The following TYW1B variants were observed in gnomAD, a reference collection of about 807,000 sequenced individuals.
TYW1B encodes tRNA-yW synthesizing protein 1 homolog B, also known as S-adenosyl-L-methionine-dependent tRNA 4-demethylwyosine synthase TYW1B.
A neutral mutation model predicts 86.9 loss-of-function variants in TYW1B; 73 were observed. The ratio of observed to expected loss-of-function variants is 0.84; its 90% CI spans 0.70 to 1.02. TYW1B has a LOEUF of 1.02. TYW1B is among the 50% of genes least tolerant of loss of function. The probability of loss-of-function intolerance (pLI) is 0.00; values close to 1 mark genes in which losing one functional copy is unlikely to be tolerated. For synonymous variants in TYW1B, 248 were observed against 292.8 expected (o/e 0.85, Z 1.56); for missense variants, 637 against 827.4 (o/e 0.77, Z 2.82).
chr7:72,690,682 A>C (rs1814129237), intron 11 of TYW1B, among the ~76,000 whole-genome samples: 1 of 152,266 alleles, frequency 6.6e-6, no homozygotes, highest in South Asian at 2.1e-4. Context: ...TGGATGTTCT[A>C]ATTAAAATAT....
At chr7:72,726,644 G>A (rs571130779) in intron 9 of TYW1B, among the ~76,000 whole-genome samples, 15 of 152,118 alleles carry the variant, frequency 9.9e-5, no homozygotes, top group South Asian at 2.1e-4. Context: ...GATTACAAGC[G>A]TGAGGCACCG....
intron 9 of TYW1B, among the ~76,000 whole-genome samples, chr7:72,717,708 C>A (rs1554456470): frequency 1.3e-5 from 2 of 151,834 alleles, no homozygotes; most frequent in Non-Finnish European, 2.9e-5. Context: ...TCCTCCTACA[C>A]CTTAGAAATA....
Position 72,807,083 on chromosome 7 carries a change from G to C in TYW1B, c.706C>G (p.His236Asp). 1 of 1,613,956 alleles carries C rather than the reference G, an allele frequency of 6.2e-7. No homozygotes were observed. Among genetic ancestry groups the C allele is most frequent in the South Asian group, 1.1e-5 (1 of 91,050 alleles). Residue 236 changes from histidine (H) to aspartate (D), a missense_variant, in exon 5 of 14, where the codon CAT (histidine) becomes GAT (aspartate). His to Asp is a moderately conservative substitution (Grantham distance 81). Transcript: ENST00000620995. Reference sequence around the variant, plus strand: ...CGGTATACCTTGGTGTCTCTGTGATGCAATTCGTCCTGCTCTTGAGATCCT... The same window carrying C: ...CGGTATACCTTGGTGTCTCTGTGATCCAATTCGTCCTGCTCTTGAGATCCT... ...EEGSQEQDELHHRDTKEEEPF... is the reference protein window; with the variant it reads ...EEGSQEQDELDHRDTKEEEPF...
At chr7:72,761,305 C>T (rs553206051) in intron 7 of TYW1B, among the ~76,000 whole-genome samples, 1 of 151,912 alleles carries the variant, frequency 6.6e-6, no homozygotes, top group African/African-American at 2.4e-5. Flanking sequence ...TAGGTTTTCA[C>T]TAAAAGTAAA....
At chr7:72,646,457 C>T (rs1185099617) in intron 11 of TYW1B, among the ~76,000 whole-genome samples, 10 of 152,028 alleles carry the variant, frequency 6.6e-5, no homozygotes, top group Non-Finnish European at 1.3e-4. Context: ...CTGCAGCCTT[C>T]ACCTCCCTGG....
Position 72,583,126 on chromosome 7 carries a change from G to A in TYW1B, c.1786-7407C>T, listed in dbSNP as rs1446609929. Among the ~76,000 whole-genome samples, 5 of 152,148 alleles carry A rather than the reference G, an allele frequency of 3.3e-5. No individual in the cohort carries two copies. The East Asian group carries it at 7.7e-4, about 23-fold the overall frequency. ...ACCTGTAATCCCAGCACTTTGGGAG[G>A]CCAAGGTGGGTGGATCATTTGAGGT... On this transcript the variant is annotated intron_variant, in intron 13 of 13. Coordinates refer to ENST00000620995, the MANE Select transcript of TYW1B (RefSeq NM_001145440.3).
intron 6 of TYW1B, among the ~76,000 whole-genome samples, chr7:72,783,751 A>G (rs1563092873): frequency 1.3e-5 from 2 of 152,200 alleles, no homozygotes; most frequent in South Asian, 2.1e-4. Context: ...TATTTTGGAT[A>G]ACCTACCTTA....
At chr7:72,705,624 A>T (rs191754143) in intron 10 of TYW1B, among the ~76,000 whole-genome samples, 1 of 152,352 alleles carries the variant, frequency 6.6e-6, no homozygotes, top group East Asian at 1.9e-4. Context: ...ATTATGATAC[A>T]TAACAGTTAA....
chr7:72,736,576 G>A (rs1318073806), intron 8 of TYW1B, among the ~76,000 whole-genome samples: 5 of 152,064 alleles, frequency 3.3e-5, no homozygotes, highest in African/African-American at 9.7e-5. Context: ...CATTTTAAAC[G>A]TTTTGTCATT....
At chr7:72,822,921 G>A (rs1278662474) in intron 2 of TYW1B, 1 of 152,334 alleles carries the variant, frequency 6.6e-6, no homozygotes, top group Admixed American at 6.5e-5. Flanking sequence ...TGAAGCCCAA[G>A]AGGTCGAGGC....
chr7:72,810,730 C>A, intron 3 of TYW1B, 65 bp from the exon 4 acceptor site: 2 of 1,518,224 alleles, frequency 1.3e-6, no homozygotes, highest in Non-Finnish European at 1.8e-6. Context: ...CGAAGAAAAT[C>A]CTTTGAAAAA....
At chr7:72,799,829 AG>A (rs1355630017) in intron 6 of TYW1B, among the ~76,000 whole-genome samples, 1 of 152,130 alleles carries the variant, frequency 6.6e-6, no homozygotes, top group Admixed American at 6.6e-5. Context: ...CTGAGATATA[AG>A]GGGCAAATAG....
At chr7:72,702,795 C>T (rs2129570468) in intron 10 of TYW1B, among the ~76,000 whole-genome samples, 1 of 151,992 alleles carries the variant, frequency 6.6e-6, no homozygotes, top group African/African-American at 2.4e-5. Flanking sequence ...TGAATATATG[C>T]TCCTCACATT....
intron 12 of TYW1B, among the ~76,000 whole-genome samples, chr7:72,625,244 T>C (rs1366193569): frequency 6.6e-6 from 1 of 152,124 alleles, no homozygotes; most frequent in Non-Finnish European, 1.5e-5. Context: ...GCCTATCACA[T>C]GGAGAGAGCT....
chr7:72,814,425 C>G (rs1341129130), intron 3 of TYW1B, among the ~76,000 whole-genome samples: 1 of 151,592 alleles, frequency 6.6e-6, no homozygotes, highest in Non-Finnish European at 1.5e-5. Flanking sequence ...TCTACTAAAA[C>G]TACAAAAAAT....
At chr7:72,812,573 CAT>C (rs781963681) in intron 3 of TYW1B, among the ~76,000 whole-genome samples, 5 of 152,076 alleles carry the variant, frequency 3.3e-5, no homozygotes, top group Non-Finnish European at 5.9e-5. Context: ...CAAGCTCACT[CAT>C]GTGCACACCA....
intron 11 of TYW1B, among the ~76,000 whole-genome samples, chr7:72,672,473 AACACACACACACACAC>A (rs57744814): frequency 3.5e-5 from 5 of 140,884 alleles, no homozygotes; most frequent in African/African-American, 1.1e-4. Context: ...TACACACACA[AACACACACACACACAC>A]ACACACACAC....
chr7:72,632,388 G>GTATATATATATTATATATACA, intron 11 of TYW1B, among the ~76,000 whole-genome samples: 1 of 70,324 alleles, frequency 1.4e-5, no homozygotes, highest in East Asian at 3.9e-4. Flanking sequence ...ATATATATAC[G>GTATATATATATTATATATACA]TATATATATA....
In TYW1B at chr7:72,807,077, T is replaced by A. The variant is rs370976921; in HGVS notation, c.712A>T (p.Arg238Ter). Reference sequence around the variant, plus strand: ...CACAGGCGGTATACCTTGGTGTCTCTGTGATGCAATTCGTCCTGCTCTTGA... The same window carrying A: ...CACAGGCGGTATACCTTGGTGTCTCAGTGATGCAATTCGTCCTGCTCTTGA... The part of the protein sequence containing the change: ...GSQEQDELHH[R>*]DTKEEEPFES... Residue 238 changes from arginine to a stop codon, truncating the protein, a stop_gained, in exon 5 of 14, where the codon AGA becomes TGA. Transcript: ENST00000620995. LOFTEE classifies it high-confidence loss of function. 2 of 1,613,958 alleles carry A rather than the reference T, an allele frequency of 1.2e-6. No homozygotes were observed. Among genetic ancestry groups the A allele is most frequent in the Admixed American group, 3.3e-5 (2 of 59,996 alleles).
Sources: allele counts gnomAD v4.1 joint callset (sites outside exome capture counted in the v4.1 genomes callset), GRCh38; gene constraint gnomAD v4.1.1; transcripts MANE v1.5; gene names NCBI Gene and HGNC (gene_info 2026-07-23, HGNC 2026-07-21).